GSE1: variants seen among roughly 807,000 people sequenced by gnomAD.
The protein encoded by GSE1 is genetic suppressor element 1.
GSE1 carries 32 observed loss-of-function variants against 112.6 expected under a neutral mutation model. The observed-to-expected ratio is 0.28, with a 90% CI of 0.21 to 0.38. The LOEUF (loss-of-function observed/expected upper bound fraction) is 0.38, where lower values mean the gene tolerates loss of function less well. Ranked by LOEUF, GSE1 falls within the 10% of genes least tolerant of loss-of-function variation. GSE1 has a pLI of 1.00. For missense variants in GSE1, 2,348 were observed against 1,699.2 expected (o/e 1.38, Z -6.71); for synonymous variants, 1,115 against 735.6 (o/e 1.52, Z -8.35).
intron 2 of GSE1, among the ~76,000 whole-genome samples, chr16:85,362,535 C>T (rs1266292865): frequency 1.3e-5 from 2 of 152,234 alleles, no homozygotes; most frequent in East Asian, 3.9e-4. Context: ...TCCCTGGGCT[C>T]AGCTGCTCTG....
At chr16:85,533,183 CA>C (rs2151187968) in intron 2 of GSE1, among the ~76,000 whole-genome samples, 1 of 151,834 alleles carries the variant, frequency 6.6e-6, no homozygotes, top group African/African-American at 2.4e-5. Flanking sequence ...GAGGCCAAGG[CA>C]GGGGGATCAC....
In GSE1 at chr16:85,419,687, C is replaced by A. The variant is rs984795421; in HGVS notation, c.2464+62044C>A. Among the ~76,000 whole-genome samples the A allele has an allele frequency of 1.3e-5, 2 of 152,114 alleles. No individual in the cohort carries two copies. Among genetic ancestry groups the A allele is most frequent in the Admixed American group, 1.3e-4 (2 of 15,276 alleles). Reference sequence around the variant, plus strand: ...GCCTTTCTCATGCCTCGGGTGCAGTCGTGTGCAACGGTGAATGCACGTTGG... The same window carrying A: ...GCCTTTCTCATGCCTCGGGTGCAGTAGTGTGCAACGGTGAATGCACGTTGG... On this transcript the variant is annotated intron_variant, in intron 2 of 2. Transcript: ENST00000637419. The surrounding 1 kb of genome is among the most constrained non-coding windows in gnomAD (Gnocchi z 6.5).
chr16:85,494,504 G>A (rs868221541), intron 2 of GSE1, among the ~76,000 whole-genome samples: 1 of 149,636 alleles, frequency 6.7e-6, no homozygotes, highest in Non-Finnish European at 1.5e-5. Flanking sequence ...CCAGGCTGGA[G>A]TTCAGTGGTG....
At chr16:85,297,454 A>G (rs1043363084) in intron 1 of GSE1, among the ~76,000 whole-genome samples, 2 of 152,206 alleles carry the variant, frequency 1.3e-5, no homozygotes, top group South Asian at 2.1e-4. Flanking sequence ...ATGACTTCCT[A>G]TCAGATGGGT....
chr16:85,312,733 G>A (rs1597369915), intron 1 of GSE1, among the ~76,000 whole-genome samples: 1 of 151,730 alleles, frequency 6.6e-6, no homozygotes, highest in Non-Finnish European at 1.5e-5. Flanking sequence ...AGGAGAGGAG[G>A]AGGCGGACGA....
intron 2 of GSE1, among the ~76,000 whole-genome samples, chr16:85,522,829 GGAGT>G (rs1476196405): frequency 3.9e-5 from 6 of 152,198 alleles, no homozygotes; most frequent in Non-Finnish European, 7.4e-5. Context: ...ATAAGTGTCA[GGAGT>G]GAGTATGTTG....
intron 2 of GSE1, among the ~76,000 whole-genome samples, chr16:85,359,641 T>C (rs1026587287): frequency 7.2e-5 from 11 of 152,348 alleles, no homozygotes; most frequent in East Asian, 3.9e-4. Context: ...CCACTCATGT[T>C]GGGACACATG....
chr16:85,608,607 G>C (rs2047819037), upstream of GSE1, among the ~76,000 whole-genome samples: 1 of 152,218 alleles, frequency 6.6e-6, no homozygotes, highest in Non-Finnish European at 1.5e-5. Context: ...CCAGGTGTAA[G>C]AGCCACGTCT....
At chr16:85,297,136 G>A (rs888309793) in intron 1 of GSE1, among the ~76,000 whole-genome samples, 4 of 152,234 alleles carry the variant, frequency 2.6e-5, no homozygotes, top group African/African-American at 9.6e-5. Flanking sequence ...CCCTCTACCC[G>A]GCCAGGCTGG....
intron 1 of GSE1, among the ~76,000 whole-genome samples, chr16:85,320,599 T>C (rs1296389238): frequency 2.0e-5 from 3 of 152,128 alleles, no homozygotes; most frequent in Admixed American, 6.5e-5. Context: ...CCGGCCTGTA[T>C]CCTCTCTTCT....
chr16:85,501,742 C>T (rs1436222972), intron 2 of GSE1, among the ~76,000 whole-genome samples: 1 of 152,192 alleles, frequency 6.6e-6, no homozygotes, highest in Non-Finnish European at 1.5e-5. Context: ...CACAACACCC[C>T]CTTTTGGGTG....
chr16:85,297,878 C>T lies in GSE1; in HGVS notation c.2284-59585C>T, dbSNP rs1252870965. On this transcript the variant is annotated intron_variant, in intron 1 of 2. Transcript: ENST00000637419. ...TGGGATATGAAATCTCCATCGTGGCCTGCAGAACTTATTTTCAGGGTGCCG... is the reference window on the plus strand; with the variant it reads ...TGGGATATGAAATCTCCATCGTGGCTTGCAGAACTTATTTTCAGGGTGCCG... Among the ~76,000 whole-genome samples the T allele has an allele frequency of 3.3e-5, 5 of 152,150 alleles. No homozygotes were observed. In the South Asian group the frequency reaches 8.3e-4, roughly 25 times the overall value.
rs1263597906 is a variant in GSE1 at position 85,654,390 on chromosome 16, C to G, written c.539C>G (p.Pro180Arg). 1 of 1,608,674 alleles carries G rather than the reference C, an allele frequency of 6.2e-7. No homozygotes were observed. The highest frequency in any genetic ancestry group is 1.7e-5 in the Admixed American group (1 of 59,468). The change falls in exon 4 of 16, where the codon CCC (proline) becomes CGC (arginine). Residue 180 changes from proline to arginine, a missense_variant. Pro to Arg is a moderately radical substitution (Grantham distance 103). Transcript: ENST00000253458. ...PAIPSHLLST[P>R]YPFGLSPSSV... Reference sequence around the variant, plus strand: ...ATCCCCTCGCACCTGCTCAGCACCCCCTACCCCTTCGGCCTCTCCCCCAGC... The same window carrying G: ...ATCCCCTCGCACCTGCTCAGCACCCGCTACCCCTTCGGCCTCTCCCCCAGC...
At chr16:85,446,075 A>C (rs1208133905) in intron 2 of GSE1, among the ~76,000 whole-genome samples, 1 of 152,210 alleles carries the variant, frequency 6.6e-6, no homozygotes, top group Non-Finnish European at 1.5e-5. Context: ...AGCTGCTGGT[A>C]TCAGCGCCAT....
At chr16:85,216,793 G>C (rs1158303631) in intron 1 of GSE1, among the ~76,000 whole-genome samples, 1 of 152,216 alleles carries the variant, frequency 6.6e-6, no homozygotes, top group Non-Finnish European at 1.5e-5. Context: ...GCTGTTTCTG[G>C]GGCTGTCCCT....
chr16:85,545,922 A>C (rs945515509), intron 2 of GSE1, among the ~76,000 whole-genome samples: 1 of 151,674 alleles, frequency 6.6e-6, no homozygotes, highest in African/African-American at 2.4e-5. Context: ...AGCTGGGACT[A>C]CAGGCGCCCG....
intron 2 of GSE1, among the ~76,000 whole-genome samples, chr16:85,361,125 G>T (rs1000661120): frequency 1.4e-5 from 2 of 141,550 alleles, no homozygotes; most frequent in African/African-American, 5.3e-5. Context: ...ACAGAGACAG[G>T]CACAGACCCC....
intron 1 of GSE1, among the ~76,000 whole-genome samples, chr16:85,227,706 T>G (rs927275958): frequency 6.6e-6 from 1 of 152,058 alleles, no homozygotes; most frequent in African/African-American, 2.4e-5. Flanking sequence ...GAGGGGAGAT[T>G]CATTTCAGGG....
chr16:85,412,730 C>T (rs554060772), intron 2 of GSE1, among the ~76,000 whole-genome samples: 1 of 151,584 alleles, frequency 6.6e-6, no homozygotes, highest in East Asian at 1.9e-4. Context: ...ACTCTCAGGC[C>T]CCCCGGATAA....
Sources: allele counts gnomAD v4.1 joint callset (sites outside exome capture counted in the v4.1 genomes callset), GRCh38; gene constraint gnomAD v4.1.1; non-coding constraint Gnocchi (gnomAD v3.1); transcripts MANE v1.5; gene names NCBI Gene and HGNC (gene_info 2026-07-23, HGNC 2026-07-21).